The following GPATCH8 variants were observed in gnomAD, a reference collection of about 807,000 sequenced individuals.
GPATCH8 encodes the protein G-patch domain containing 8.
GPATCH8 carries 18 observed loss-of-function variants against 118.3 expected under a neutral mutation model. The observed-to-expected ratio is 0.15, with a 90% CI of 0.11 to 0.23. The LOEUF is 0.23. Among genes scored for constraint, GPATCH8 ranks in the 10% least tolerant of loss-of-function variants. The pLI, the probability that GPATCH8 is intolerant of heterozygous loss-of-function variation, is 1.00. For synonymous variants in GPATCH8, 659 were observed against 684.7 expected (o/e 0.96, Z 0.59); for missense variants, 1,631 against 1,873.8 (o/e 0.87, Z 2.39).
At chr17:44,427,915 ATATCCATCCATCCATCCATG>A (rs924198040) in intron 5 of GPATCH8, among the ~76,000 whole-genome samples, 2 of 152,138 alleles carry the variant, frequency 1.3e-5, no homozygotes, top group African/African-American at 4.8e-5. Context: ...AATCCATCCT[ATATCCATCCATCCATCCATG>A]TATCCATCCA....
intron 1 of GPATCH8, among the ~76,000 whole-genome samples, chr17:44,495,032 C>G (rs1969554137): frequency 6.6e-6 from 1 of 152,122 alleles, no homozygotes; most frequent in Non-Finnish European, 1.5e-5. Flanking sequence ...TAAATGCTAA[C>G]TTCTTCATAA....
chr17:44,417,663 G>C (rs1208985110), intron 6 of GPATCH8, among the ~76,000 whole-genome samples: 1 of 152,180 alleles, frequency 6.6e-6, no homozygotes, highest in East Asian at 1.9e-4. Context: ...GTATCAGTCA[G>C]AAGCCACGGG....
chr17:44,484,148 T>C (rs1968588628), intron 1 of GPATCH8, among the ~76,000 whole-genome samples: 1 of 151,792 alleles, frequency 6.6e-6, no homozygotes, highest in South Asian at 2.1e-4. Context: ...CCAATTTATT[T>C]ATTTATTTAT....
At chr17:44,455,833 C>T (rs530010952) in intron 3 of GPATCH8, among the ~76,000 whole-genome samples, 9 of 152,242 alleles carry the variant, frequency 5.9e-5, no homozygotes, top group African/African-American at 1.4e-4. Context: ...CTGCAACCTC[C>T]GCCTCCTGGG....
At chr17:44,465,470 C>T (rs544964089) in intron 2 of GPATCH8, 3 of 152,104 alleles carry the variant, frequency 2.0e-5, no homozygotes, top group Non-Finnish European at 4.4e-5. Context: ...ACATCTGCAG[C>T]CCTTTCTTTG....
intron 1 of GPATCH8, among the ~76,000 whole-genome samples, chr17:44,480,287 T>TA (rs941123520): frequency 5.2e-4 from 79 of 150,946 alleles, no homozygotes; most frequent in African/African-American, 6.3e-4. Context: ...AAATGGCATT[T>TA]AAAAAAAAAT....
intron 3 of GPATCH8, among the ~76,000 whole-genome samples, chr17:44,461,691 G>GT (rs980082598): frequency 2.0e-4 from 29 of 148,646 alleles, no homozygotes; most frequent in East Asian, 4.0e-4. Flanking sequence ...ATTCTAAACT[G>GT]TTTTTTTTTC....
rs1364529571 is a variant in GPATCH8, at chr17:44,448,506, G to A, written c.194-11961C>T. Among the ~76,000 whole-genome samples, 11 of 112,288 alleles carry A rather than the reference G, an allele frequency of 9.8e-5. 1 individual carries two copies. Among genetic ancestry groups the A allele is most frequent in the African/African-American group, 1.8e-4 (5 of 27,402 alleles). 73.7% of individuals were successfully genotyped at this position (112,288 alleles called of 152,430 possible). ...ACGTGAGCCAAAAAAAAAAAAAAGGGGGGGGGGGGAAGAAGGAGGAAGAAG... is the reference window on the plus strand; with the variant it reads ...ACGTGAGCCAAAAAAAAAAAAAAGGAGGGGGGGGGAAGAAGGAGGAAGAAG... On this transcript the variant is annotated intron_variant, in intron 3 of 7. Transcript: ENST00000591680.
At chr17:44,480,726 C>T (rs903838825) in intron 1 of GPATCH8, among the ~76,000 whole-genome samples, 1 of 150,236 alleles carries the variant, frequency 6.7e-6, no homozygotes, top group Non-Finnish European at 1.5e-5. Flanking sequence ...AAAAAATTAG[C>T]TGGGTACGAT....
chr17:44,437,604 G>T (rs2050554763), intron 3 of GPATCH8, among the ~76,000 whole-genome samples: 1 of 151,234 alleles, frequency 6.6e-6, no homozygotes, highest in Non-Finnish European at 1.5e-5. Context: ...TATACCTTTG[G>T]GCTAAAAATG....
chr17:44,395,878 C>A lies in GPATCH8; in HGVS notation c.*1690G>T, dbSNP rs1302144993. 8.8e-6 allele frequency: 4 copies of A among 453,986 alleles called. No homozygotes were observed. The highest frequency in any genetic ancestry group is 4.7e-5 in the South Asian group (3 of 64,486). The allele number at this position is 453,986 out of a possible 1,614,324, so 28.1% of individuals were successfully genotyped here. A position where few individuals can be genotyped will look rare whatever the true frequency, so the allele number is the denominator to read the frequency against. ...GGAGATGGGACCTGCAACACAAGCA[C>A]CTTTGGGTCAGTGTGTTAATTAGGG... On this transcript the variant is annotated 3_prime_UTR_variant, in exon 8 of 8. Coordinates refer to ENST00000591680, the MANE Select transcript of GPATCH8 (RefSeq NM_001002909.4).
intron 7 of GPATCH8, among the ~76,000 whole-genome samples, chr17:44,401,976 T>C (rs1349582872): frequency 2.0e-5 from 3 of 146,506 alleles, no homozygotes; most frequent in South Asian, 2.2e-4. Flanking sequence ...TGCACTCCAG[T>C]CTGGGTGACA....
chr17:44,420,344 T>A (rs1411090863), intron 6 of GPATCH8, among the ~76,000 whole-genome samples: 1 of 152,230 alleles, frequency 6.6e-6, no homozygotes, highest in African/African-American at 2.4e-5. Flanking sequence ...TAAGGTCAAA[T>A]GACACCACAA....
intron 1 of GPATCH8, among the ~76,000 whole-genome samples, chr17:44,477,109 C>T (rs1367823082): frequency 2.0e-5 from 3 of 152,124 alleles, no homozygotes; most frequent in African/African-American, 7.2e-5. Context: ...AGTTACTTTG[C>T]CTTTTCAAGG....
intron 1 of GPATCH8, among the ~76,000 whole-genome samples, chr17:44,497,885 G>A (rs1023588367): frequency 6.6e-6 from 1 of 151,758 alleles, no homozygotes; most frequent in African/African-American, 2.4e-5. Flanking sequence ...GACTGCATGA[G>A]CCAAGATCCC....
Position 44,399,622 on chromosome 17 carries a change from C to T in GPATCH8, c.2455G>A (p.Asp819Asn), listed in dbSNP as rs780844845. ...CGGTGTGAGGAAGCATCATCACTATCCTCATCTCCACTACTGGGTTGGCTC... is the reference window on the plus strand; with the variant it reads ...CGGTGTGAGGAAGCATCATCACTATTCTCATCTCCACTACTGGGTTGGCTC... ...HRSQPSSGDEDSDDASSHRLH... is the reference protein window; with the variant it reads ...HRSQPSSGDENSDDASSHRLH... The change falls in exon 8 of 8, where the codon GAT (aspartate) becomes AAT (asparagine). Residue 819 changes from aspartate (D) to asparagine (N), a missense_variant. Transcript: ENST00000591680. 1 of 1,614,214 alleles carries T rather than the reference C, an allele frequency of 6.2e-7. No homozygotes were observed. The highest frequency in any genetic ancestry group is 1.3e-5 in the African/African-American group (1 of 75,054).
intron 3 of GPATCH8, among the ~76,000 whole-genome samples, chr17:44,437,985 C>T (rs944189505): frequency 2.7e-4 from 40 of 150,118 alleles, no homozygotes; most frequent in African/African-American, 9.3e-4. Context: ...TAGAATACAG[C>T]CTTCTTTTAG....
At chr17:44,437,941 G>A (rs1360471231) in intron 3 of GPATCH8, among the ~76,000 whole-genome samples, 2 of 110,358 alleles carry the variant, frequency 1.8e-5, no homozygotes, top group South Asian at 2.7e-4. Context: ...AACATCTCAT[G>A]TCAGAAAAAA....
chr17:44,480,028 CA>C (rs1209035379), intron 1 of GPATCH8, among the ~76,000 whole-genome samples: 3 of 149,586 alleles, frequency 2.0e-5, no homozygotes, highest in Non-Finnish European at 4.4e-5. Context: ...TATTCCTTTT[CA>C]AAAAAAAATC....
Sources: gnomAD v4.1 joint callset for allele counts (sites outside exome capture counted in the v4.1 genomes callset) on GRCh38, gnomAD v4.1.1 for gene constraint, MANE v1.5 for transcripts, NCBI Gene and HGNC (gene_info 2026-07-23, HGNC 2026-07-21) for gene names.